The following AP3B1 variants were observed in gnomAD, a reference collection of about 807,000 sequenced individuals.
AP3B1 encodes the protein AP-3 complex subunit beta-1.
AP3B1 carries 61 observed loss-of-function variants against 132.5 expected under a neutral mutation model. The observed-to-expected ratio is 0.46, with a 90% CI of 0.37 to 0.57. The LOEUF (loss-of-function observed/expected upper bound fraction) is 0.57. Ranked by LOEUF, AP3B1 falls within the 20% of genes least tolerant of loss-of-function variation. The pLI is 0.00. For synonymous variants in AP3B1, 388 were observed against 438.3 expected (o/e 0.89, Z 1.43); for missense variants, 1,120 against 1,289.4 (o/e 0.87, Z 2.01).
At position 78,044,593 on chromosome 5, in the gene AP3B1, A is replaced by G. The variant is rs532434468; in HGVS notation, c.2578-5319T>C. On this transcript the variant is annotated intron_variant, in intron 22 of 26. Coordinates refer to ENST00000255194, the MANE Select transcript of AP3B1 (RefSeq NM_003664.5). ...GACTATTTGAAAGTTGGAGAAAGGCAAGGGTAGAGGAGTGGGACTAGAGCA... is the reference window on the plus strand; with the variant it reads ...GACTATTTGAAAGTTGGAGAAAGGCGAGGGTAGAGGAGTGGGACTAGAGCA... Among the ~76,000 whole-genome samples the G allele has an allele frequency of 2.0e-5, 3 of 152,352 alleles. No homozygotes were observed. The South Asian group carries it at 6.2e-4, about 32-fold the overall frequency.
chr5:78,135,371 A>C lies in AP3B1; in HGVS notation c.1650+5772T>G, dbSNP rs537819004. ...AGAATATCTACTTATGTAAAATTTG[A>C]AAACTCACAAAAACAACCATACATT... is the stretch of plus-strand genomic sequence containing the variant. On this transcript the variant is annotated intron_variant, in intron 15 of 26. Coordinates refer to ENST00000255194, the MANE Select transcript of AP3B1 (RefSeq NM_003664.5). Among the ~76,000 whole-genome samples, 6 of 152,308 alleles carry C rather than the reference A, an allele frequency of 3.9e-5. No individual in the cohort carries two copies. In the South Asian group the frequency reaches 1.0e-3, roughly 26 times the overall value.
chr5:78,064,557 T>C (rs796144539), intron 22 of AP3B1, among the ~76,000 whole-genome samples: 34 of 152,334 alleles, frequency 2.2e-4, no homozygotes, highest in African/African-American at 7.7e-4. Flanking sequence ...CCATGTCATG[T>C]CTGATAGCTG....
Position 78,193,770 on chromosome 5 carries a change from A to ATAT in AP3B1, c.787-12109_787-12108insATA. ...TATATATATATATATATATATATAT[A>ATAT]TTTTTTTTTTAGACAGAGTCTCGCT... On this transcript the variant is annotated intron_variant, in intron 7 of 26. Coordinates refer to ENST00000255194, the MANE Select transcript of AP3B1 (RefSeq NM_003664.5). Among the ~76,000 whole-genome samples, 193 of 67,208 alleles carry ATAT rather than the reference A, an allele frequency of 2.9e-3. 3 individuals are homozygous for ATAT. Among genetic ancestry groups the ATAT allele is most frequent in the Middle Eastern group, 0.019 (2 of 108 alleles). The allele number at this position is 67,208 out of a possible 152,430, so 44.1% of individuals were successfully genotyped here.
At chr5:78,087,533 T>C (rs1292904557) in intron 22 of AP3B1, 1 of 985,178 alleles carries the variant, frequency 1.0e-6, no homozygotes, top group Non-Finnish European at 1.2e-6. Context: ...GAACTTCTGG[T>C]TGTCATTCTT....
chr5:78,270,664 T>C (rs1221014652), intron 1 of AP3B1, among the ~76,000 whole-genome samples: 1 of 152,158 alleles, frequency 6.6e-6, no homozygotes, highest in Admixed American at 6.6e-5. Context: ...AGTCAGAACT[T>C]ACCATTTCCC....
At chr5:78,211,856 T>C (rs977990370) in intron 7 of AP3B1, among the ~76,000 whole-genome samples, 3 of 152,266 alleles carry the variant, frequency 2.0e-5, no homozygotes, top group Non-Finnish European at 2.9e-5. Context: ...TAATTCTGTT[T>C]ATATTTCTGC....
At chr5:78,182,750 C>T (rs1744423532) in intron 7 of AP3B1, among the ~76,000 whole-genome samples, 1 of 152,128 alleles carries the variant, frequency 6.6e-6, no homozygotes, top group African/African-American at 2.4e-5. Flanking sequence ...TACCCCCATC[C>T]CCACCAGTAG....
At chr5:78,082,410 T>C (rs1479190863) in intron 22 of AP3B1, among the ~76,000 whole-genome samples, 3 of 152,256 alleles carry the variant, frequency 2.0e-5, no homozygotes, top group African/African-American at 7.2e-5. Flanking sequence ...GATCATTATT[T>C]CATTTTGCCA....
rs150769566 is a variant in AP3B1, at chr5:78,036,036, G to C, written c.2810-1591C>G. Among the ~76,000 whole-genome samples, 372 of 152,152 alleles carry C rather than the reference G, an allele frequency of 2.4e-3. 3 individuals are homozygous for C. The highest frequency in any genetic ancestry group is 8.5e-3 in the African/African-American group (354 of 41,532). On this transcript the variant is annotated intron_variant, in intron 23 of 26. Transcript: ENST00000255194. ...GCAAATTCCGTCATCTCCAAAACTTGATGGCTTTCATGATTTAGATCTCCC... is the reference window on the plus strand; with the variant it reads ...GCAAATTCCGTCATCTCCAAAACTTCATGGCTTTCATGATTTAGATCTCCC...
At chr5:78,091,717 C>T (rs888630924) in intron 21 of AP3B1, among the ~76,000 whole-genome samples, 46 of 152,134 alleles carry the variant, frequency 3.0e-4, no homozygotes, top group African/African-American at 1.1e-3. Flanking sequence ...ACTAAGGGGA[C>T]TGGATTTATC....
At chr5:78,225,190 T>C (rs1746354012) in intron 6 of AP3B1, among the ~76,000 whole-genome samples, 2 of 152,184 alleles carry the variant, frequency 1.3e-5, no homozygotes, top group African/African-American at 4.8e-5. Flanking sequence ...AAATATAAAG[T>C]GGGTACAAAA....
At chr5:78,109,970 C>G (rs889001490) in intron 20 of AP3B1, among the ~76,000 whole-genome samples, 3 of 151,934 alleles carry the variant, frequency 2.0e-5, no homozygotes, top group South Asian at 2.1e-4. Flanking sequence ...TCAGCAAAAC[C>G]CCCCCCTTGT....
At chr5:78,252,303 G>C (rs1309885707) in intron 2 of AP3B1, among the ~76,000 whole-genome samples, 1 of 152,044 alleles carries the variant, frequency 6.6e-6, no homozygotes, top group Admixed American at 6.6e-5. Context: ...AGAACAGCAG[G>C]GGGGAAAGTA....
chr5:78,177,220 T>C, intron 9 of AP3B1, 119 bp downstream of exon 9: 1 of 693,484 alleles, frequency 1.4e-6, no homozygotes. Flanking sequence ...GAAATCTTAC[T>C]GATCGATTGA....
intron 12 of AP3B1, among the ~76,000 whole-genome samples, chr5:78,163,288 G>A (rs1743463184): frequency 6.6e-6 from 1 of 152,082 alleles, no homozygotes; most frequent in Non-Finnish European, 1.5e-5. Flanking sequence ...CTCTCTCTTT[G>A]GAGGTTTCAG....
chr5:78,156,242 C>T lies in AP3B1; in HGVS notation c.1473+16G>A. 3.2e-6 allele frequency: 5 copies of T among 1,560,094 alleles called. No individual in the cohort carries two copies. The highest frequency in any genetic ancestry group is 3.5e-6 in the Non-Finnish European group (4 of 1,131,210). On this transcript the variant is annotated intron_variant, in intron 14 of 26. Transcript: ENST00000255194. ...ACTGAATAAAATTCAGCAAACATCTCTTAATTGATACTCACAGTGATACTG... is the reference window on the plus strand; with the variant it reads ...ACTGAATAAAATTCAGCAAACATCTTTTAATTGATACTCACAGTGATACTG...
At chr5:78,006,757 A>C (rs1212438990) in intron 26 of AP3B1, among the ~76,000 whole-genome samples, 2 of 152,192 alleles carry the variant, frequency 1.3e-5, no homozygotes. Flanking sequence ...TTTTCATTTC[A>C]TTCTATCACC....
intron 6 of AP3B1, among the ~76,000 whole-genome samples, chr5:78,224,883 G>A (rs1037106611): frequency 6.6e-6 from 1 of 152,012 alleles, no homozygotes; most frequent in African/African-American, 2.4e-5. Flanking sequence ...TCAATACCCT[G>A]TTTTCAATAA....
chr5:78,013,879 A>C, intron 26 of AP3B1, among the ~76,000 whole-genome samples: 1 of 152,178 alleles, frequency 6.6e-6, no homozygotes, highest in Non-Finnish European at 1.5e-5. Context: ...AAGAAATGAA[A>C]GACACCGGGC....
Sources: allele counts gnomAD v4.1 joint callset (sites outside exome capture counted in the v4.1 genomes callset), GRCh38; gene constraint gnomAD v4.1.1; transcripts MANE v1.5; gene names NCBI Gene and HGNC (gene_info 2026-07-23, HGNC 2026-07-21).